Variants in CABLES1 observed in about 807,000 individuals in gnomAD.
CABLES1 encodes the protein CDK5 and ABL1 enzyme substrate 1.
A neutral mutation model predicts 57.8 loss-of-function variants in CABLES1; 36 were observed. That is an observed-to-expected ratio of 0.62 (90% CI 0.48 to 0.82). The LOEUF is 0.82. Ranked by LOEUF, CABLES1 falls within the 40% of genes least tolerant of loss-of-function variation. CABLES1 has a pLI of 0.00. For missense variants in CABLES1, 767 were observed against 836.6 expected, an observed-to-expected ratio of 0.92 and a Z score of 1.03; for synonymous variants, 374 against 363.0, an observed-to-expected ratio of 1.03 and a Z score of -0.35.
At chr18:23,150,205 T>G (rs2046918059) in intron 1 of CABLES1, among the ~76,000 whole-genome samples, 1 of 88,844 alleles carries the variant, frequency 1.1e-5, no homozygotes, top group Admixed American at 1.0e-4. Context: ...TAGTTGGTGT[T>G]TGTTTTTTTT....
chr18:23,171,222 C>T (rs1376597278), intron 1 of CABLES1, among the ~76,000 whole-genome samples: 2 of 152,194 alleles, frequency 1.3e-5, no homozygotes, highest in Non-Finnish European at 2.9e-5. Flanking sequence ...CATTCTTGTT[C>T]CCGTAACACC....
chr18:23,184,308 CGTGTGT>C (rs61158856), intron 1 of CABLES1, among the ~76,000 whole-genome samples: 8,113 of 146,376 alleles, frequency 0.055, 627 homozygotes, highest in Admixed American at 0.21. Flanking sequence ...CATACTGGCA[CGTGTGT>C]GTGTGTGTGT....
chr18:23,146,469 G>C (rs2046892347), intron 1 of CABLES1, among the ~76,000 whole-genome samples: 1 of 152,170 alleles, frequency 6.6e-6, no homozygotes, highest in African/African-American at 2.4e-5. Flanking sequence ...GCCTCCCAAA[G>C]TGCTAGGATT....
At chr18:23,242,091 C>T (rs1360694417) in intron 7 of CABLES1, among the ~76,000 whole-genome samples, 4 of 152,088 alleles carry the variant, frequency 2.6e-5, no homozygotes, top group East Asian at 1.9e-4. Flanking sequence ...GCCTGACCAA[C>T]GTGGTGAAAC....
At chr18:23,157,330 T>C (rs2046972342) in intron 1 of CABLES1, among the ~76,000 whole-genome samples, 1 of 152,044 alleles carries the variant, frequency 6.6e-6, no homozygotes, top group Non-Finnish European at 1.5e-5. Context: ...TTTATCCAGG[T>C]AGTAAAGGCG....
chr18:23,209,884 G>C (rs1461896419), intron 3 of CABLES1, among the ~76,000 whole-genome samples: 1 of 152,164 alleles, frequency 6.6e-6, no homozygotes, highest in South Asian at 2.1e-4. Context: ...CTTGCGGGGG[G>C]GCGGTCCTTG....
chr18:23,165,256 A>C (rs1395979842), intron 1 of CABLES1, among the ~76,000 whole-genome samples: 1 of 151,882 alleles, frequency 6.6e-6, no homozygotes, highest in Admixed American at 6.6e-5. Flanking sequence ...CTAATTTTTT[A>C]ATTTTAATTT....
At chr18:23,175,946 A>C (rs1261331865) in intron 1 of CABLES1, among the ~76,000 whole-genome samples, 1 of 152,260 alleles carries the variant, frequency 6.6e-6, no homozygotes, top group Non-Finnish European at 1.5e-5. Context: ...AAATGTAAAA[A>C]AAAAGAATAA....
At chr18:23,201,294 C>T (rs1324149867) in intron 3 of CABLES1, among the ~76,000 whole-genome samples, 2 of 152,182 alleles carry the variant, frequency 1.3e-5, no homozygotes, top group Non-Finnish European at 2.9e-5. Flanking sequence ...TTTAGTTTGT[C>T]CTGATGGAAG....
At chr18:23,202,912 G>A (rs938813513) in intron 3 of CABLES1, among the ~76,000 whole-genome samples, 4 of 151,604 alleles carry the variant, frequency 2.6e-5, no homozygotes, top group South Asian at 2.1e-4. Context: ...GCGTGAACCC[G>A]GGAGGCGGAG....
At chr18:23,172,682 G>A (rs892215721) in intron 1 of CABLES1, among the ~76,000 whole-genome samples, 7 of 152,188 alleles carry the variant, frequency 4.6e-5, no homozygotes, top group African/African-American at 9.7e-5. Flanking sequence ...TCCAATAGCA[G>A]TGGAATCCAC....
At chr18:23,182,448 G>C (rs913133537) in intron 1 of CABLES1, among the ~76,000 whole-genome samples, 2 of 152,170 alleles carry the variant, frequency 1.3e-5, no homozygotes, top group African/African-American at 4.8e-5. Flanking sequence ...CCTTTGGCCT[G>C]CACAGAACAC....
chr18:23,186,715 C>A (rs1338955086), intron 1 of CABLES1, among the ~76,000 whole-genome samples: 1 of 152,184 alleles, frequency 6.6e-6, no homozygotes, highest in Non-Finnish European at 1.5e-5. Flanking sequence ...AGCCACCATG[C>A]CCAGCCGGAT....
intron 1 of CABLES1, among the ~76,000 whole-genome samples, chr18:23,171,908 C>T (rs2047085399): frequency 6.6e-6 from 1 of 152,174 alleles, no homozygotes; most frequent in Non-Finnish European, 1.5e-5. Context: ...CCACCTAGAA[C>T]AGGGACCAAG....
intron 3 of CABLES1, among the ~76,000 whole-genome samples, chr18:23,198,712 A>G (rs2047302558): frequency 6.6e-6 from 1 of 152,260 alleles, no homozygotes; most frequent in Non-Finnish European, 1.5e-5. Context: ...GGATGGAGCC[A>G]TAAACCAAGA....
chr18:23,237,979 A>G (rs966114434), intron 7 of CABLES1, among the ~76,000 whole-genome samples: 1 of 151,882 alleles, frequency 6.6e-6, no homozygotes, highest in African/African-American at 2.4e-5. Flanking sequence ...CAGGCCTGCC[A>G]TGCACAGCAT....
chr18:23,251,883 C>T (rs1409136066), intron 7 of CABLES1, among the ~76,000 whole-genome samples: 2 of 150,972 alleles, frequency 1.3e-5, no homozygotes, highest in South Asian at 2.1e-4. Flanking sequence ...GTCAGGAGTT[C>T]GAGACCAACC....
Position 23,257,414 on chromosome 18 carries a change from G to A in CABLES1, c.*47G>A. ...AGGGCCATTTCTTCTCAGCTTGGTG[G>A]AGCAGCACTTACTTACTACTGGAAA... is the stretch of plus-strand genomic sequence containing the variant. On this transcript the variant is annotated 3_prime_UTR_variant, in exon 10 of 10. Transcript: ENST00000256925. The A allele has an allele frequency of 2.0e-6, 3 of 1,537,340 alleles. No individual in the cohort carries two copies. The highest frequency in any genetic ancestry group is 2.6e-6 in the Non-Finnish European group (3 of 1,147,220).
intron 3 of CABLES1, among the ~76,000 whole-genome samples, chr18:23,210,063 GC>G (rs372840276): frequency 3.5e-4 from 53 of 152,348 alleles, no homozygotes; most frequent in African/African-American, 1.3e-3. Context: ...TAGCTTCCGA[GC>G]ACTCATGAGG....
Sources: gnomAD v4.1 joint callset for allele counts (sites outside exome capture counted in the v4.1 genomes callset) on GRCh38, gnomAD v4.1.1 for gene constraint, MANE v1.5 for transcripts, NCBI Gene and HGNC (gene_info 2026-07-23, HGNC 2026-07-21) for gene names.